Variants in TMEM82 observed in about 807,000 individuals in gnomAD.
The protein encoded by TMEM82 is transmembrane protein 82.
A neutral mutation model predicts 29.2 loss-of-function variants in TMEM82; 30 were observed. The ratio of observed to expected loss-of-function variants is 1.03; its 90% CI spans 0.77 to 1.39. The LOEUF is 1.39. Among genes scored for constraint, TMEM82 ranks in the 40% most tolerant of loss-of-function variants. The pLI is 0.00. For missense variants in TMEM82, 442 were observed against 447.7 expected, an observed-to-expected ratio of 0.99 and a Z score of 0.12; for synonymous variants, 221 against 225.4, an observed-to-expected ratio of 0.98 and a Z score of 0.18.
At chr1:15,743,433 G>GC (rs933542651) in intron 3 of TMEM82, among the ~76,000 whole-genome samples, 3 of 152,182 alleles carry the variant, frequency 2.0e-5, no homozygotes, top group African/African-American at 7.2e-5. Context: ...TGTAGATCCG[G>GC]CCCCCCAAAT....
chr1:15,743,206 G>A lies in TMEM82; in HGVS notation c.336+12G>A, dbSNP rs549229047. ...TGTCCCTGGGCAAGGTGAGGCCTCC[G>A]GGAAGGCAGTGGGTGGATCACTCCC... On this transcript the variant is annotated intron_variant, in intron 3 of 5. Coordinates refer to ENST00000375782, the MANE Select transcript of TMEM82 (RefSeq NM_001013641.3). The A allele has an allele frequency of 5.4e-5, 87 of 1,601,914 alleles. No homozygotes were observed. In the East Asian group the frequency reaches 9.8e-4, roughly 18 times the overall value.
At position 15,747,801 on chromosome 1, in the gene TMEM82, G is replaced by A; in HGVS notation, c.*169G>A. 1 of 577,964 alleles carries A rather than the reference G, an allele frequency of 1.7e-6. No individual in the cohort carries two copies. Among genetic ancestry groups the A allele is most frequent in the Non-Finnish European group, 2.9e-6 (1 of 345,638 alleles). The allele number at this position is 577,964 out of a possible 1,614,324, so 35.8% of individuals were successfully genotyped here. ...GGGAAGGCAGGATTTGGGGATGGGA[G>A]CCTCTGGAGAGGGGACACCTGGGGA... On this transcript the variant is annotated 3_prime_UTR_variant, in exon 6 of 6. Transcript: ENST00000375782.
chr1:15,744,591 C>G lies in TMEM82; in HGVS notation c.757+11C>G. The G allele has an allele frequency of 1.3e-6, 2 of 1,594,618 alleles. No individual in the cohort carries two copies. Among genetic ancestry groups the G allele is most frequent in the African/African-American group, 1.3e-5 (1 of 74,864 alleles). On this transcript the variant is annotated intron_variant, in intron 4 of 5. Coordinates refer to ENST00000375782, the MANE Select transcript of TMEM82 (RefSeq NM_001013641.3). The surrounding 1 kb of genome is among the most constrained non-coding windows in gnomAD (Gnocchi z 5.2). Reference sequence around the variant, plus strand: ...TCATCTACATGCAGGGTGAGCGCTGCGGGGCCTGCTCCATTCAATCCACGC... The same window carrying G: ...TCATCTACATGCAGGGTGAGCGCTGGGGGGCCTGCTCCATTCAATCCACGC...
Position 15,744,250 on chromosome 1 carries a change from C to T in TMEM82, c.427C>T (p.Gln143Ter). 6.3e-7 allele frequency: 1 copy of T among 1,578,368 alleles called. No individual in the cohort carries two copies. Among genetic ancestry groups the T allele is most frequent in the Non-Finnish European group, 8.6e-7 (1 of 1,167,334 alleles). The change falls in exon 4 of 6, where the codon CAG (glutamine) becomes TAG (stop). Residue 143 changes from glutamine to a stop codon, truncating the protein, a stop_gained. Coordinates refer to ENST00000375782, the MANE Select transcript of TMEM82 (RefSeq NM_001013641.3). LOFTEE classifies it high-confidence loss of function. The surrounding 1 kb of genome is among the most constrained non-coding windows in gnomAD (Gnocchi z 5.2). Reference sequence around the variant, plus strand: ...GCTGACCTGTGGCCTGAGCTTCCTGCAGGAGGGCGCCCCTCACCGCACGCT... The same window carrying T: ...GCTGACCTGTGGCCTGAGCTTCCTGTAGGAGGGCGCCCCTCACCGCACGCT... ...CGLTCGLSFL[Q>*]EGAPHRTLNL...
At position 15,744,704 on chromosome 1, in the gene TMEM82, G is replaced by A; in HGVS notation, c.757+124G>A. 8.2e-7 allele frequency: 1 copy of A among 1,222,650 alleles called. No homozygotes were observed. Among genetic ancestry groups the A allele is most frequent in the Non-Finnish European group, 1.1e-6 (1 of 895,852 alleles). The allele number at this position is 1,222,650 out of a possible 1,614,324, so 75.7% of individuals were successfully genotyped here. ...TCCCAGAGAGCCTGGTCAGGACAGA[G>A]GCTGTGTGGCGGGGGCAGTGCAGAG... On this transcript the variant is annotated intron_variant, in intron 4 of 5. Transcript: ENST00000375782. This position sits in a 1 kb window ranked among gnomAD's most constrained non-coding sequence, Gnocchi z 5.2.
intron 1 of TMEM82, 36 bp downstream of exon 1, chr1:15,742,683 C>A: frequency 6.3e-7 from 1 of 1,586,848 alleles, no homozygotes; most frequent in Non-Finnish European, 8.6e-7. Flanking sequence ...TTGGCCCCGC[C>A]CCCTTCCAGC....
In TMEM82 at chr1:15,744,156, G is replaced by C; in HGVS notation, c.337-4G>C. On this transcript the variant is annotated splice_region_variant and splice_polypyrimidine_tract_variant and intron_variant, in intron 3 of 5. Coordinates refer to ENST00000375782, the MANE Select transcript of TMEM82 (RefSeq NM_001013641.3). The surrounding 1 kb of genome is among the most constrained non-coding windows in gnomAD (Gnocchi z 5.2). ...TCTCGGCCCCTCTTCGGCACTCCCC[G>C]CAGGGCTCCCAGGGTGCCGCCGAGA... 1 of 1,536,380 alleles carries C rather than the reference G, an allele frequency of 6.5e-7. No individual in the cohort carries two copies. Among genetic ancestry groups the C allele is most frequent in the East Asian group, 2.3e-5 (1 of 42,860 alleles).
chr1:15,744,876 C>T lies in TMEM82; in HGVS notation c.757+296C>T, dbSNP rs937560852. The stretch of plus-strand genomic sequence containing the variant: ...GCCAATGCCCAGAGGGGAGAGAGGG[C>T]ATGGCCGTGCCAAACAAGCCACAGG... On this transcript the variant is annotated intron_variant, in intron 4 of 5. Transcript: ENST00000375782. This position sits in a 1 kb window ranked among gnomAD's most constrained non-coding sequence, Gnocchi z 5.2. Among the ~76,000 whole-genome samples, 1 of 152,164 alleles carries T rather than the reference C, an allele frequency of 6.6e-6. No homozygotes were observed. Among genetic ancestry groups the T allele is most frequent in the Non-Finnish European group, 1.5e-5 (1 of 68,032 alleles).
Position 15,744,516 on chromosome 1 carries a change from G to A in TMEM82, c.693G>A (p.Ser231=), listed in dbSNP as rs1174615882. Reference sequence around the variant, plus strand: ...TCAACCAGGACTTCCTGACCACCTCGGAGGCCATGCGGTTCTGGACACCGC... The same window carrying A: ...TCAACCAGGACTTCCTGACCACCTCAGAGGCCATGCGGTTCTGGACACCGC... ...ALINQDFLTT[S]EAMRFWTPLT... The change falls in exon 4 of 6, where the codon TCG becomes TCA. Residue 231 remains serine (S), a synonymous_variant. Coordinates refer to ENST00000375782, the MANE Select transcript of TMEM82 (RefSeq NM_001013641.3). This position sits in a 1 kb window ranked among gnomAD's most constrained non-coding sequence, Gnocchi z 5.2. The A allele has an allele frequency of 9.9e-6, 16 of 1,612,430 alleles. No individual in the cohort carries two copies. The East Asian group carries it at 1.1e-4, about 11-fold the overall frequency.
chr1:15,746,886 C>T lies in TMEM82; in HGVS notation c.777C>T (p.Pro259=). 5 of 1,592,646 alleles carry T rather than the reference C, an allele frequency of 3.1e-6. No individual in the cohort carries two copies. Among genetic ancestry groups the T allele is most frequent in the East Asian group, 2.3e-5 (1 of 44,418 alleles). Residue 259 remains proline (P), a synonymous_variant, in exon 5 of 6, where the codon CCC becomes CCT. Coordinates refer to ENST00000375782, the MANE Select transcript of TMEM82 (RefSeq NM_001013641.3). Reference sequence around the variant, plus strand: ...CCACAGAGGAGCAGCGGCAGCACCCCGGCCTGCAGAGCCAGGTGCAGACGG... The same window carrying T: ...CCACAGAGGAGCAGCGGCAGCACCCTGGCCTGCAGAGCCAGGTGCAGACGG... ...IYMQEEQRQH[P]GLQSQVQTVL...
intron 4 of TMEM82, among the ~76,000 whole-genome samples, chr1:15,746,044 G>A (rs2148395981): frequency 7.0e-6 from 1 of 142,416 alleles, no homozygotes. Flanking sequence ...GTTTTTTTTT[G>A]TTGTTGTTTT....
chr1:15,743,127 G>A lies in TMEM82; in HGVS notation c.269G>A (p.Arg90Gln), dbSNP rs146453490. The A allele has an allele frequency of 2.9e-5, 47 of 1,611,962 alleles. No homozygotes were observed. Among genetic ancestry groups the A allele is most frequent in the Admixed American group, 1.7e-4 (10 of 59,984 alleles). ...LALFLTVVGS[R>Q]VAALVVLEFS... ...CTGTTTCTGACGGTCGTGGGGTCCC[G>A]GGTGGCTGCCCTCGTGGTGCTCGAG... is the stretch of plus-strand genomic sequence containing the variant. The change falls in exon 3 of 6, where the codon CGG becomes CAG. Residue 90 changes from arginine (R) to glutamine (Q), a missense_variant. Arg to Gln is a conservative substitution (Grantham distance 43). Transcript: ENST00000375782.
intron 3 of TMEM82, 33 bp downstream of exon 3, chr1:15,743,227 C>A (rs761722381): frequency 1.3e-6 from 2 of 1,586,356 alleles, no homozygotes; most frequent in South Asian, 1.1e-5. Context: ...GGGTGGATCA[C>A]TCCCCAGCCC....
rs562508697 is a variant in TMEM82, at chr1:15,742,897, G to C, written c.151G>C (p.Gly51Arg). Residue 51 changes from glycine (G) to arginine (R), a missense_variant, in exon 2 of 6, where the codon GGC becomes CGC. Transcript: ENST00000375782. ...CCTCCTGAAAGTTTACTTCTTCGTG[G>C]GCTGTGCCAAGTGAGTGCCCACCTC... ...NSLLKVYFFV[G>R]CANDPQRRPE... 6.2e-7 allele frequency: 1 copy of C among 1,612,820 alleles called. No homozygotes were observed. Among genetic ancestry groups the C allele is most frequent in the African/African-American group, 1.3e-5 (1 of 75,032 alleles).
At chr1:15,745,492 C>T (rs1173647685) in intron 4 of TMEM82, among the ~76,000 whole-genome samples, 1 of 150,712 alleles carries the variant, frequency 6.6e-6, no homozygotes, top group Non-Finnish European at 1.5e-5. Context: ...GCACTCCAGC[C>T]TGGGCGACAG....
intron 3 of TMEM82, among the ~76,000 whole-genome samples, chr1:15,743,950 G>GT (rs2068312592): frequency 6.6e-6 from 1 of 151,828 alleles, no homozygotes; most frequent in Non-Finnish European, 1.5e-5. Context: ...GGGTGACAGA[G>GT]CAAGACTCTG....
intron 3 of TMEM82, among the ~76,000 whole-genome samples, chr1:15,743,589 A>G (rs1343946602): frequency 6.6e-6 from 1 of 152,224 alleles, no homozygotes; most frequent in Non-Finnish European, 1.5e-5. Context: ...AGATAGAGTC[A>G]GGCTTTGGAC....
At chr1:15,745,544 A>AG (rs2068328028) in intron 4 of TMEM82, among the ~76,000 whole-genome samples, 3 of 86,126 alleles carry the variant, frequency 3.5e-5, no homozygotes, top group African/African-American at 1.5e-4. Context: ...AGAGAGAGAG[A>AG]AAGAGAGAAA....
In TMEM82 at chr1:15,743,201, C is replaced by T; in HGVS notation, c.336+7C>T. Reference sequence around the variant, plus strand: ...GCTGCTGTCCCTGGGCAAGGTGAGGCCTCCGGGAAGGCAGTGGGTGGATCA... The same window carrying T: ...GCTGCTGTCCCTGGGCAAGGTGAGGTCTCCGGGAAGGCAGTGGGTGGATCA... On this transcript the variant is annotated splice_region_variant and intron_variant, in intron 3 of 5. Transcript: ENST00000375782. The T allele has an allele frequency of 6.2e-7, 1 of 1,604,034 alleles. No individual in the cohort carries two copies.
Sources: allele counts gnomAD v4.1 joint callset (sites outside exome capture counted in the v4.1 genomes callset), GRCh38; gene constraint gnomAD v4.1.1; non-coding constraint Gnocchi (gnomAD v3.1); transcripts MANE v1.5; gene names NCBI Gene and HGNC (gene_info 2026-07-23, HGNC 2026-07-21).